The following E2F3 variants were observed in gnomAD, a reference collection of about 807,000 sequenced individuals.
E2F3 encodes the protein E2F transcription factor 3, also known as transcription factor E2F3.
Under a neutral mutation model 44.4 loss-of-function variants are expected in E2F3, and 11 were observed. That is an observed-to-expected ratio of 0.25 (90% confidence interval 0.16 to 0.41). E2F3 has a LOEUF of 0.41. Ranked by LOEUF, E2F3 falls within the 10% of genes least tolerant of loss-of-function variation. The pLI is 1.00. For synonymous variants in E2F3, 249 were observed against 253.0 expected, an observed-to-expected ratio of 0.98 and a Z score of 0.15; for missense variants, 487 against 583.6, an observed-to-expected ratio of 0.83 and a Z score of 1.70.
intron 1 of E2F3, among the ~76,000 whole-genome samples, chr6:20,417,910 A>G (rs994194453): frequency 1.3e-5 from 2 of 152,082 alleles, no homozygotes; most frequent in Non-Finnish European, 2.9e-5. Context: ...CTTTCTGTCT[A>G]CCTACAGCCA....
intron 1 of E2F3, among the ~76,000 whole-genome samples, chr6:20,403,357 C>T (rs1256177250): frequency 6.6e-6 from 1 of 152,112 alleles, no homozygotes; most frequent in East Asian, 1.9e-4. Context: ...GGCCCAAGCG[C>T]CCAGGCCTTC....
At chr6:20,427,775 C>G (rs1038188010) in intron 1 of E2F3, among the ~76,000 whole-genome samples, 1 of 152,214 alleles carries the variant, frequency 6.6e-6, no homozygotes, top group Non-Finnish European at 1.5e-5. Flanking sequence ...CTCCTCTTTT[C>G]GAAGTCCTAG....
intron 1 of E2F3, among the ~76,000 whole-genome samples, chr6:20,425,537 C>T (rs554910793): frequency 8.5e-5 from 13 of 152,256 alleles, no homozygotes; most frequent in African/African-American, 2.2e-4. Context: ...TACAGGCGTA[C>T]GCCACAATGC....
intron 1 of E2F3, among the ~76,000 whole-genome samples, chr6:20,415,534 A>G (rs907573769): frequency 2.0e-5 from 3 of 152,210 alleles, no homozygotes; most frequent in Admixed American, 1.3e-4. Context: ...TTATCTTCAC[A>G]CTGTCAAATG....
chr6:20,414,493 A>C (rs1759778455), intron 1 of E2F3, among the ~76,000 whole-genome samples: 2 of 152,084 alleles, frequency 1.3e-5, no homozygotes, highest in Admixed American at 1.3e-4. Flanking sequence ...AAAATCTTGA[A>C]TTTATTTTCT....
At position 20,402,033 on chromosome 6, in the gene E2F3, T is replaced by A; in HGVS notation, c.-200T>A. ...TATCCGTGCGGCCGGGACCCTCCTC[T>A]CTCCAGAGCCCCGATTATTTTTGGC... is the stretch of plus-strand genomic sequence containing the variant. On this transcript the variant is annotated 5_prime_UTR_variant, in exon 1 of 7. Transcript: ENST00000346618. The surrounding 1 kb of genome is among the most constrained non-coding windows in gnomAD (Gnocchi z 5.6). 1.1e-6 allele frequency: 1 copy of A among 889,254 alleles called. No homozygotes were observed. The highest frequency in any genetic ancestry group is 1.5e-6 in the Non-Finnish European group (1 of 650,684). 55.1% of individuals were successfully genotyped at this position (889,254 alleles called of 1,614,324 possible).
chr6:20,465,808 C>CAT (rs199684582), intron 1 of E2F3, among the ~76,000 whole-genome samples: 11,703 of 151,708 alleles, frequency 0.077, 1,156 homozygotes, highest in African/African-American at 0.23. Flanking sequence ...AGTATTCCAT[C>CAT]ATATATATAT....
In E2F3 at chr6:20,439,711, T is replaced by C. The variant is rs76472234; in HGVS notation, c.393+37086T>C. On this transcript the variant is annotated intron_variant, in intron 1 of 6. Transcript: ENST00000346618. ...AAGCCTGGCTAATTTTTTAAATTTC[T>C]TTGTAGAGAGGGGTCTCACTATGTT... Among the ~76,000 whole-genome samples the C allele has an allele frequency of 8.5e-3, 1,300 of 152,294 alleles. 19 individuals are homozygous for C. Among genetic ancestry groups the C allele is most frequent in the African/African-American group, 0.029 (1,219 of 41,558 alleles).
At chr6:20,459,820 T>C (rs1357291979) in intron 1 of E2F3, among the ~76,000 whole-genome samples, 1 of 152,078 alleles carries the variant, frequency 6.6e-6, no homozygotes, top group Non-Finnish European at 1.5e-5. Context: ...CGTGCACCTG[T>C]AGTCCCAGCT....
chr6:20,431,757 C>T (rs1345399260), intron 1 of E2F3, among the ~76,000 whole-genome samples: 1 of 152,230 alleles, frequency 6.6e-6, no homozygotes, highest in Non-Finnish European at 1.5e-5. Flanking sequence ...CTCCTTGTCT[C>T]AGCCTCTGTT....
At position 20,402,385 on chromosome 6, in the gene E2F3, C is replaced by T; in HGVS notation, c.153C>T (p.Ala51=). The T allele has an allele frequency of 1.2e-6, 2 of 1,610,084 alleles. No homozygotes were observed. Among genetic ancestry groups the T allele is most frequent in the Non-Finnish European group, 1.7e-6 (2 of 1,178,602 alleles). The change falls in exon 1 of 7, where the codon GCC becomes GCT. Residue 51 remains alanine, a synonymous_variant. Coordinates refer to ENST00000346618, the MANE Select transcript of E2F3 (RefSeq NM_001949.5). The surrounding 1 kb of genome is among the most constrained non-coding windows in gnomAD (Gnocchi z 5.6). ...GCTTCGCCGCCGCCGCCGCCGCTGC[C>T]GCCGCCCCGGGCGCGTACATCCAGA... ...SPGFAAAAAA[A]AAPGAYIQIL...
intron 1 of E2F3, among the ~76,000 whole-genome samples, chr6:20,433,754 T>C (rs1331603281): frequency 6.6e-6 from 1 of 152,144 alleles, no homozygotes; most frequent in Non-Finnish European, 1.5e-5. Context: ...ATATTTTCTT[T>C]TTTAAGACAT....
At chr6:20,480,374 A>G (rs994609396) in intron 2 of E2F3, among the ~76,000 whole-genome samples, 4 of 152,210 alleles carry the variant, frequency 2.6e-5, no homozygotes, top group African/African-American at 9.6e-5. Flanking sequence ...GAATTGATTG[A>G]GCCCGATAAA....
chr6:20,422,716 G>A (rs73382463), intron 1 of E2F3, among the ~76,000 whole-genome samples: 2,745 of 152,282 alleles, frequency 0.018, 87 homozygotes, highest in African/African-American at 0.062. Flanking sequence ...GAGGGTAAGA[G>A]ACAGGGTACA....
At chr6:20,415,226 G>A (rs1037418025) in intron 1 of E2F3, among the ~76,000 whole-genome samples, 2 of 152,176 alleles carry the variant, frequency 1.3e-5, no homozygotes, top group African/African-American at 4.8e-5. Flanking sequence ...ACAGGGAGAC[G>A]ACACATTTTC....
At chr6:20,459,587 C>A (rs974195172) in intron 1 of E2F3, among the ~76,000 whole-genome samples, 1 of 152,014 alleles carries the variant, frequency 6.6e-6, no homozygotes, top group Non-Finnish European at 1.5e-5. Context: ...TTAGAGGATC[C>A]ACTTTCCTTT....
intron 1 of E2F3, among the ~76,000 whole-genome samples, chr6:20,448,581 G>C (rs966831823): frequency 1.3e-5 from 2 of 152,038 alleles, no homozygotes; most frequent in African/African-American, 2.4e-5. Flanking sequence ...TAAAAACCTT[G>C]GTTAATATGT....
At chr6:20,443,379 G>T (rs1760837066) in intron 1 of E2F3, among the ~76,000 whole-genome samples, 1 of 152,012 alleles carries the variant, frequency 6.6e-6, no homozygotes, top group Non-Finnish European at 1.5e-5. Flanking sequence ...ACATTTTTTT[G>T]TAACCTGTAG....
intron 1 of E2F3, among the ~76,000 whole-genome samples, chr6:20,408,781 A>C (rs1288949445): frequency 2.0e-5 from 3 of 152,250 alleles, no homozygotes; most frequent in African/African-American, 7.2e-5. Flanking sequence ...AAGAATAAAA[A>C]ATAATTGACT....
Sources: gnomAD v4.1 joint callset for allele counts (sites outside exome capture counted in the v4.1 genomes callset) on GRCh38, gnomAD v4.1.1 for gene constraint, Gnocchi (gnomAD v3.1) non-coding constraint, MANE v1.5 for transcripts, NCBI Gene and HGNC (gene_info 2026-07-23, HGNC 2026-07-21) for gene names.